Variants in WDR72 observed in about 807,000 individuals in gnomAD.
The protein encoded by WDR72 is WD repeat-containing protein 72.
Under a neutral mutation model 124.2 loss-of-function variants are expected in WDR72, and 120 were observed. The observed-to-expected ratio is 0.97, with a 90% CI of 0.83 to 1.12. The LOEUF (loss-of-function observed/expected upper bound fraction) is 1.12, where lower values mean the gene tolerates loss of function less well. Among genes scored for constraint, WDR72 ranks in the 50% most tolerant of loss-of-function variants. The pLI, the probability that WDR72 is intolerant of heterozygous loss-of-function variation, is 0.00. For synonymous variants in WDR72, 452 were observed against 441.7 expected (o/e 1.02, Z -0.29); for missense variants, 1,387 against 1,278.8 (o/e 1.08, Z -1.29).
chr15:53,700,348 T>C (rs558088214), intron 12 of WDR72, among the ~76,000 whole-genome samples: 38 of 152,352 alleles, frequency 2.5e-4, no homozygotes, highest in African/African-American at 7.2e-4. Flanking sequence ...CATGAGCTGA[T>C]ATTTTCCACT....
chr15:53,699,848 T>C lies in WDR72; in HGVS notation c.1667A>G (p.His556Arg). Residue 556 changes from histidine to arginine, a missense_variant, in exon 13 of 20, where the codon CAC becomes CGC. Physicochemically the swap from His to Arg is conservative, Grantham distance 29. Coordinates refer to ENST00000360509, the MANE Select transcript of WDR72 (RefSeq NM_182758.4). ...TTTTATCATCCTCACAGGAAAAAGG[T>C]GCTTCCGGGCATGCAGGAGGCAACT... ...GKSCLLHARK[H>R]LFPVRMIKWH... 1 of 1,614,104 alleles carries C rather than the reference T, an allele frequency of 6.2e-7. No homozygotes were observed. Among genetic ancestry groups the C allele is most frequent in the Non-Finnish European group, 8.5e-7 (1 of 1,180,024 alleles).
chr15:53,604,064 T>C (rs1270310597), intron 17 of WDR72, among the ~76,000 whole-genome samples: 1 of 152,180 alleles, frequency 6.6e-6, no homozygotes, highest in Non-Finnish European at 1.5e-5. Flanking sequence ...GGCATCACGT[T>C]ACCTGATTTC....
chr15:53,560,120 C>T (rs1894076388), intron 18 of WDR72, among the ~76,000 whole-genome samples: 1 of 151,862 alleles, frequency 6.6e-6, no homozygotes, highest in African/African-American at 2.4e-5. Flanking sequence ...CAGCAGTCAG[C>T]AGCAGTTGAG....
At chr15:53,600,893 C>T (rs2140345279) in intron 17 of WDR72, among the ~76,000 whole-genome samples, 1 of 152,226 alleles carries the variant, frequency 6.6e-6, no homozygotes, top group East Asian at 1.9e-4. Context: ...TTTTCTGTTT[C>T]TTTTCTAGCA....
intron 13 of WDR72, among the ~76,000 whole-genome samples, chr15:53,691,072 T>C (rs571340489): frequency 2.1e-4 from 32 of 152,160 alleles, no homozygotes; most frequent in Non-Finnish European, 4.6e-4. Flanking sequence ...ATAACCTTTA[T>C]AGGGTCTCAT....
chr15:53,551,433 TCAGCCTTTCTCTTTC>T (rs1364867345), intron 18 of WDR72, among the ~76,000 whole-genome samples: 3 of 152,188 alleles, frequency 2.0e-5, no homozygotes, highest in Non-Finnish European at 4.4e-5. Flanking sequence ...AAACCCACTC[TCAGCCTTTCTCTTTC>T]CAGCACCTTC....
chr15:53,730,924 TAA>T (rs760162790), intron 2 of WDR72, among the ~76,000 whole-genome samples: 7 of 151,740 alleles, frequency 4.6e-5, no homozygotes, highest in Non-Finnish European at 8.8e-5. Context: ...TTTTCCCTGC[TAA>T]TAGTTGATTA....
chr15:53,692,327 A>G (rs1321416183), intron 13 of WDR72, among the ~76,000 whole-genome samples: 13 of 152,240 alleles, frequency 8.5e-5, no homozygotes, highest in Admixed American at 8.5e-4. Flanking sequence ...GCATTTCACC[A>G]GAACAGGAAA....
chr15:53,700,027 C>T, intron 12 of WDR72, 82 bp from the exon 13 acceptor site: 1 of 1,559,824 alleles, frequency 6.4e-7, no homozygotes, highest in Non-Finnish European at 8.8e-7. Flanking sequence ...CTCCCAGTAA[C>T]ATAAAAAAGT....
At chr15:53,656,609 A>G (rs1191138077) in intron 14 of WDR72, among the ~76,000 whole-genome samples, 1 of 152,140 alleles carries the variant, frequency 6.6e-6, no homozygotes, top group Non-Finnish European at 1.5e-5. Context: ...CTCTCAGTCA[A>G]TAAGTGGTAT....
At position 53,715,359 on chromosome 15, in the gene WDR72, G is replaced by C. The variant is rs150410771; in HGVS notation, c.348C>G (p.His116Gln). ...PYRHTAICYY[H>Q]CSFRMTGEGW... The stretch of plus-strand genomic sequence containing the variant: ...CTTCTCCTGTCATCCGGAATGAGCA[G>C]TGGTAATACTACGTACATGGAAAGC... Residue 116 changes from histidine to glutamine, a missense_variant, in exon 5 of 20, where the codon CAC becomes CAG. Coordinates refer to ENST00000360509, the MANE Select transcript of WDR72 (RefSeq NM_182758.4). 84 of 1,614,008 alleles carry C rather than the reference G, an allele frequency of 5.2e-5. No individual in the cohort carries two copies. The highest frequency in any genetic ancestry group is 6.8e-5 in the Non-Finnish European group (80 of 1,179,984).
rs563969959 is a variant in WDR72 at position 53,636,569 on chromosome 15, C to A, written c.1963-20326G>T. 1.4e-4 allele frequency among the ~76,000 whole-genome samples: 22 copies of A among 152,156 alleles called. No homozygotes were observed. In the South Asian group the frequency reaches 4.4e-3, roughly 30 times the overall value. On this transcript the variant is annotated intron_variant, in intron 14 of 19. Transcript: ENST00000360509. ...ATTACAAACTATATAAGAAATGTAGCTTTGAGATAAGATAGTTTTAAGTCA... is the reference window on the plus strand; with the variant it reads ...ATTACAAACTATATAAGAAATGTAGATTTGAGATAAGATAGTTTTAAGTCA...
intron 2 of WDR72, 42 bp downstream of exon 2, chr15:53,732,955 T>G (rs1189881375): frequency 6.2e-7 from 1 of 1,613,248 alleles, no homozygotes; most frequent in East Asian, 2.2e-5. Context: ...TGTCCGTATT[T>G]TGTGAGTGGT....
chr15:53,537,006 G>A (rs1892798373), intron 18 of WDR72, among the ~76,000 whole-genome samples: 1 of 152,140 alleles, frequency 6.6e-6, no homozygotes, highest in African/African-American at 2.4e-5. Context: ...GAATTGTACT[G>A]AGCACCATCA....
intron 2 of WDR72, among the ~76,000 whole-genome samples, chr15:53,731,379 C>T (rs2018198413): frequency 6.6e-6 from 1 of 151,894 alleles, no homozygotes; most frequent in African/African-American, 2.4e-5. Flanking sequence ...ATTCCCAGCC[C>T]ATATCTCTAT....
rs1015035583 is a variant in WDR72 at position 53,514,179 on chromosome 15, C to G, written c.*3520G>C. 10 of 152,238 alleles carry G rather than the reference C, an allele frequency of 6.6e-5. No individual in the cohort carries two copies. Among genetic ancestry groups the G allele is most frequent in the Admixed American group, 1.3e-4 (2 of 15,294 alleles). The allele number at this position is 152,238 out of a possible 1,614,324, so 9.4% of individuals were successfully genotyped here. A position where few individuals can be genotyped will look rare whatever the true frequency, so the allele number is the denominator to read the frequency against. ...AAGTATTATGCAAATGTTTACAAAG[C>G]AATGACTTTCTTAGGAAATTAAACA... On this transcript the variant is annotated 3_prime_UTR_variant, in exon 20 of 20. Coordinates refer to ENST00000360509, the MANE Select transcript of WDR72 (RefSeq NM_182758.4).
At position 53,716,668 on chromosome 15, in the gene WDR72, T is replaced by C; in HGVS notation, c.278A>G (p.Asn93Ser). The part of the protein sequence containing the change: ...AAENGEMCVW[N>S]VTNGQCMEKA... ...CTCCATGCACTGTCCATTGGTGACA[T>C]TCCAAACACACATCTCCCTAGCAGA... The change falls in exon 4 of 20, where the codon AAT becomes AGT. Residue 93 changes from asparagine to serine, a missense_variant. Coordinates refer to ENST00000360509, the MANE Select transcript of WDR72 (RefSeq NM_182758.4). The C allele has an allele frequency of 6.2e-7, 1 of 1,603,484 alleles. No homozygotes were observed. The highest frequency in any genetic ancestry group is 1.1e-5 in the South Asian group (1 of 90,632).
At chr15:53,628,789 A>C (rs1461555132) in intron 14 of WDR72, among the ~76,000 whole-genome samples, 1 of 152,132 alleles carries the variant, frequency 6.6e-6, no homozygotes, top group East Asian at 1.9e-4. Context: ...AAATTTTTTA[A>C]ATTCATACCA....
chr15:53,613,593 T>TA, intron 16 of WDR72, 73 bp downstream of exon 16: 1 of 965,342 alleles, frequency 1.0e-6, no homozygotes, highest in Admixed American at 1.7e-5. Flanking sequence ...TGCTAACCAG[T>TA]TATAGAAAGA....
Sources: allele counts gnomAD v4.1 joint callset (sites outside exome capture counted in the v4.1 genomes callset), GRCh38; gene constraint gnomAD v4.1.1; transcripts MANE v1.5; gene names NCBI Gene and HGNC (gene_info 2026-07-23, HGNC 2026-07-21).